The following TAF11 variants were observed in gnomAD, a reference collection of about 807,000 sequenced individuals.
The protein encoded by TAF11 is transcription initiation factor TFIID subunit 11.
Under a neutral mutation model 23.0 loss-of-function variants are expected in TAF11, and 10 were observed. That is an observed-to-expected ratio of 0.43 (90% CI 0.27 to 0.74). The LOEUF (loss-of-function observed/expected upper bound fraction) is 0.74. TAF11 is among the 30% of genes least tolerant of loss of function. The pLI is 0.19. For synonymous variants in TAF11, 85 were observed against 95.8 expected (o/e 0.89, Z 0.66); for missense variants, 196 against 261.7 (o/e 0.75, Z 1.73).
At chr6:34,882,262 C>A (rs946140358) in intron 2 of TAF11, among the ~76,000 whole-genome samples, 5 of 151,318 alleles carry the variant, frequency 3.3e-5, no homozygotes, top group Non-Finnish European at 5.9e-5. Context: ...CGCTCGAAAC[C>A]AGAAGGCGGA....
rs1287370776 is a variant in TAF11, at chr6:34,880,669, T to C, written c.321-293A>G. The stretch of plus-strand genomic sequence containing the variant: ...ACACTATCTCCATAACTCTATCTTA[T>C]TGAATTTCACACTGATGGTAAAAAT... On this transcript the variant is annotated intron_variant, in intron 2 of 4. Coordinates refer to ENST00000361288, the MANE Select transcript of TAF11 (RefSeq NM_005643.4). This position sits in a 1 kb window ranked among gnomAD's most constrained non-coding sequence, Gnocchi z 4.8. Among the ~76,000 whole-genome samples the C allele has an allele frequency of 3.3e-5, 5 of 152,260 alleles. No individual in the cohort carries two copies. Among genetic ancestry groups the C allele is most frequent in the Admixed American group, 2.6e-4 (4 of 15,292 alleles).
At position 34,880,696 on chromosome 6, in the gene TAF11, T is replaced by C. The variant is rs1460376826; in HGVS notation, c.321-320A>G. Among the ~76,000 whole-genome samples, 1 of 152,246 alleles carries C rather than the reference T, an allele frequency of 6.6e-6. No individual in the cohort carries two copies. Among genetic ancestry groups the C allele is most frequent in the Non-Finnish European group, 1.5e-5 (1 of 68,044 alleles). ...GAATTTCACACTGATGGTAAAAATT[T>C]AATATACAAATTTATAATCAAACCA... is the stretch of plus-strand genomic sequence containing the variant. On this transcript the variant is annotated intron_variant, in intron 2 of 4. Transcript: ENST00000361288. This position sits in a 1 kb window ranked among gnomAD's most constrained non-coding sequence, Gnocchi z 4.8.
intron 1 of TAF11, among the ~76,000 whole-genome samples, chr6:34,885,892 C>T (rs988294081): frequency 7.9e-5 from 12 of 152,134 alleles, no homozygotes; most frequent in African/African-American, 2.4e-4. Flanking sequence ...GAGGCCGAGG[C>T]GGATGGATCA....
rs573182652 is a variant in TAF11, at chr6:34,885,879, T to G, written c.171+1908A>C. On this transcript the variant is annotated intron_variant, in intron 1 of 4. Transcript: ENST00000361288. ...GCTCATGCCTATAATCCCAGCACTTTGGGAGGCCGAGGCGGATGGATCATG... is the reference window on the plus strand; with the variant it reads ...GCTCATGCCTATAATCCCAGCACTTGGGGAGGCCGAGGCGGATGGATCATG... 3.9e-5 allele frequency among the ~76,000 whole-genome samples: 6 copies of G among 152,268 alleles called. No homozygotes were observed. The East Asian group carries it at 1.2e-3, about 29-fold the overall frequency.
intron 1 of TAF11, among the ~76,000 whole-genome samples, chr6:34,883,563 G>A (rs1461732625): frequency 1.3e-5 from 2 of 152,196 alleles, no homozygotes; most frequent in African/African-American, 4.8e-5. Context: ...GGACTTTCAA[G>A]TGAGCTTCTC....
At chr6:34,882,623 G>A (rs1308773829) in intron 2 of TAF11, among the ~76,000 whole-genome samples, 4 of 150,602 alleles carry the variant, frequency 2.7e-5, no homozygotes, top group African/African-American at 7.4e-5. Context: ...CAGCCTGGGC[G>A]ACACAGTGAG....
chr6:34,881,298 G>A (rs980759075), intron 2 of TAF11, among the ~76,000 whole-genome samples: 2 of 152,160 alleles, frequency 1.3e-5, no homozygotes, highest in African/African-American at 4.8e-5. Context: ...TTACTGACAT[G>A]AAAATATTTA....
At position 34,887,772 on chromosome 6, in the gene TAF11, T is replaced by G. The variant is rs1177269715; in HGVS notation, c.171+15A>C. On this transcript the variant is annotated intron_variant, in intron 1 of 4. Transcript: ENST00000361288. ...CTGGGTATTCCTTCAGCCTCATCAG[T>G]ACATCTCTTCCTACCTCGCCTTCCT... 1 of 1,614,068 alleles carries G rather than the reference T, an allele frequency of 6.2e-7. No individual in the cohort carries two copies. The highest frequency in any genetic ancestry group is 8.5e-7 in the Non-Finnish European group (1 of 1,179,988).
intron 4 of TAF11, among the ~76,000 whole-genome samples, chr6:34,879,109 G>A (rs1384694315): frequency 3.3e-5 from 5 of 152,174 alleles, no homozygotes; most frequent in African/African-American, 1.2e-4. Flanking sequence ...GACTGAGGCA[G>A]GAGAATCACC....
intron 4 of TAF11, chr6:34,879,642 C>A: frequency 5.1e-6 from 5 of 985,350 alleles, no homozygotes; most frequent in Non-Finnish European, 6.0e-6. Flanking sequence ...ACACAGGTCA[C>A]CCCTGTGATT....
chr6:34,882,783 G>C (rs867039057), intron 2 of TAF11, 149 bp downstream of exon 2: 22 of 967,060 alleles, frequency 2.3e-5, no homozygotes, highest in Non-Finnish European at 3.2e-5. Flanking sequence ...GGGATTACAG[G>C]CGTGAGCCAC....
At chr6:34,883,696 C>T (rs140157873) in intron 1 of TAF11, among the ~76,000 whole-genome samples, 100 of 152,286 alleles carry the variant, frequency 6.6e-4, no homozygotes, top group African/African-American at 2.4e-3. Flanking sequence ...CCCCCATCAG[C>T]ATTTAATGCA....
intron 1 of TAF11, among the ~76,000 whole-genome samples, 183 bp downstream of exon 1, chr6:34,887,604 C>T (rs968507661): frequency 6.6e-6 from 1 of 152,158 alleles, no homozygotes; most frequent in Non-Finnish European, 1.5e-5. Context: ...CCTCTGGAAC[C>T]GAACCAGCAC....
rs765594003 is a variant in TAF11 at position 34,887,974 on chromosome 6, G to T, written c.-17C>A. ...ATCGTCCATCACGGATAGGATTGGA[G>T]GGGAGAGGAGATCGCGGAGATGCCT... On this transcript the variant is annotated 5_prime_UTR_variant, in exon 1 of 5. Transcript: ENST00000361288. The T allele has an allele frequency of 6.2e-7, 1 of 1,613,276 alleles. No individual in the cohort carries two copies. The highest frequency in any genetic ancestry group is 8.5e-7 in the Non-Finnish European group (1 of 1,179,382).
rs1259248553 is a variant in TAF11 at position 34,883,078 on chromosome 6, G to A, written c.174C>T (p.Leu58=). 1.9e-6 allele frequency: 3 copies of A among 1,605,960 alleles called. No homozygotes were observed. Among genetic ancestry groups the A allele is most frequent in the South Asian group, 1.1e-5 (1 of 88,054 alleles). ...TTAAATCTGAGACATCCTGACTCTC[G>A]AGCTGGGAAGATGAAAGAAACTCTA... ...LKEAAAEEGE[L]ESQDVSDLTT... is the part of the protein sequence containing the mutation. The change falls in exon 2 of 5, where the codon CTC becomes CTT. Residue 58 remains leucine (L), a splice_region_variant and synonymous_variant. Coordinates refer to ENST00000361288, the MANE Select transcript of TAF11 (RefSeq NM_005643.4).
rs4646931 is a variant in TAF11 at position 34,883,140 on chromosome 6, TA to T, written c.172-61del. On this transcript the variant is annotated intron_variant, in intron 1 of 4. Transcript: ENST00000361288. ...GCCTACTTTCCAGGCTTGGGCAAAG[TA>T]AGAAGACATCATCCTTATCACAAAA... is the stretch of plus-strand genomic sequence containing the variant. The T allele has an allele frequency of 2.4e-4, 368 of 1,526,196 alleles. 1 individual carries two copies. In the Admixed American group the frequency reaches 6.2e-3, roughly 26 times the overall value. The allele number at this position is 1,526,196 out of a possible 1,614,324, so 94.5% of individuals were successfully genotyped here. A position where few individuals can be genotyped will look rare whatever the true frequency, so the allele number is the denominator to read the frequency against.
At position 34,880,844 on chromosome 6, in the gene TAF11, A is replaced by G. The variant is rs1484470673; in HGVS notation, c.321-468T>C. 2.6e-5 allele frequency among the ~76,000 whole-genome samples: 4 copies of G among 152,238 alleles called. No individual in the cohort carries two copies. The highest frequency in any genetic ancestry group is 1.3e-4 in the Admixed American group (2 of 15,284). ...GCCATGTCAATTTTTGAAAATGAAC[A>G]AAGTACATGAACAGGAAATTTACCA... On this transcript the variant is annotated intron_variant, in intron 2 of 4. Transcript: ENST00000361288. This position sits in a 1 kb window ranked among gnomAD's most constrained non-coding sequence, Gnocchi z 4.8.
Position 34,881,015 on chromosome 6 carries a change from A to T in TAF11, c.321-639T>A, listed in dbSNP as rs929934052. ...ATATGGGACACAAACACATGCTGGC[A>T]GAGTGAACTGGAACACCTTTTTGGA... On this transcript the variant is annotated intron_variant, in intron 2 of 4. Transcript: ENST00000361288. 3.9e-5 allele frequency among the ~76,000 whole-genome samples: 6 copies of T among 152,348 alleles called. No individual in the cohort carries two copies. In the South Asian group the frequency reaches 1.2e-3, roughly 32 times the overall value.
rs530221346 is a variant in TAF11 at position 34,883,480 on chromosome 6, GC to G, written c.172-401del. On this transcript the variant is annotated intron_variant, in intron 1 of 4. Transcript: ENST00000361288. The stretch of plus-strand genomic sequence containing the variant: ...TTCCAGATCTATAGATCTCTTTACT[GC>G]TGATGATTCCACATGGAAAGAATAT... 4.7e-4 allele frequency among the ~76,000 whole-genome samples: 72 copies of G among 152,214 alleles called. 2 individuals carry two copies. In the South Asian group the frequency reaches 0.015, roughly 31 times the overall value.
Sources: allele counts gnomAD v4.1 joint callset (sites outside exome capture counted in the v4.1 genomes callset), GRCh38; gene constraint gnomAD v4.1.1; non-coding constraint Gnocchi (gnomAD v3.1); transcripts MANE v1.5; gene names NCBI Gene and HGNC (gene_info 2026-07-23, HGNC 2026-07-21).